FBH1: variants seen among roughly 807,000 people sequenced by gnomAD.
The protein encoded by FBH1 is F-box DNA helicase 1.
A neutral mutation model predicts 115.5 loss-of-function variants in FBH1; 43 were observed. The ratio of observed to expected loss-of-function variants is 0.37; its 90% CI spans 0.29 to 0.48. FBH1 has a LOEUF of 0.48. Among genes scored for constraint, FBH1 ranks in the 20% least tolerant of loss-of-function variants. The pLI is 0.99. For missense variants in FBH1, 1,001 were observed against 1,337.3 expected, an observed-to-expected ratio of 0.75 and a Z score of 3.92; for synonymous variants, 524 against 507.8, an observed-to-expected ratio of 1.03 and a Z score of -0.43.
upstream of FBH1, chr10:5,890,067 C>T: frequency 3.3e-6 from 1 of 302,070 alleles, no homozygotes. Context: ...TGTGGCCGCG[C>T]CCCCACCGAT....
intron 3 of FBH1, among the ~76,000 whole-genome samples, chr10:5,908,069 C>T (rs1285994876): frequency 6.6e-6 from 1 of 152,166 alleles, no homozygotes; most frequent in Non-Finnish European, 1.5e-5. Flanking sequence ...CCTTATTTAT[C>T]TTCTGTCTGG....
chr10:5,925,592 C>A lies in FBH1; in HGVS notation c.2722+100C>A. 1 of 1,520,184 alleles carries A rather than the reference C, an allele frequency of 6.6e-7. No individual in the cohort carries two copies. Among genetic ancestry groups the A allele is most frequent in the Non-Finnish European group, 8.9e-7 (1 of 1,123,852 alleles). The allele number at this position is 1,520,184 out of a possible 1,614,324, so 94.2% of individuals were successfully genotyped here. A position where few individuals can be genotyped will look rare whatever the true frequency, so the allele number is the denominator to read the frequency against. On this transcript the variant is annotated intron_variant, in intron 18 of 20. Coordinates refer to ENST00000362091, the MANE Select transcript of FBH1 (RefSeq NM_178150.3). This position sits in a 1 kb window ranked among gnomAD's most constrained non-coding sequence, Gnocchi z 4.6. Reference sequence around the variant, plus strand: ...CTTGTTGTTTGTTGGATGGTGTGGCCTCCTGGTAGGGCACTTCTGGAAAAA... The same window carrying A: ...CTTGTTGTTTGTTGGATGGTGTGGCATCCTGGTAGGGCACTTCTGGAAAAA...
chr10:5,905,926 C>T (rs2131916248), intron 2 of FBH1, 111 bp from the exon 3 acceptor site: 4 of 733,306 alleles, frequency 5.5e-6, no homozygotes, highest in African/African-American at 1.8e-5. Flanking sequence ...GTTTTTATCT[C>T]TTTCCACTAT....
At chr10:5,901,474 A>G in intron 1 of FBH1, among the ~76,000 whole-genome samples, 1 of 151,912 alleles carries the variant, frequency 6.6e-6, no homozygotes, top group Admixed American at 6.6e-5. Context: ...AGTGTTTTTT[A>G]GGATCTGTGA....
In FBH1 at chr10:5,911,527, G is replaced by A. The variant is rs144053305; in HGVS notation, c.1211+399G>A. On this transcript the variant is annotated intron_variant, in intron 6 of 20. Coordinates refer to ENST00000362091, the MANE Select transcript of FBH1 (RefSeq NM_178150.3). The surrounding 1 kb of genome is among the most constrained non-coding windows in gnomAD (Gnocchi z 5.4). ...GACTCATCCACCTTATCCTCCATGCGGGAGAGGCTATGGCGTGTCGGCTGC... is the reference window on the plus strand; with the variant it reads ...GACTCATCCACCTTATCCTCCATGCAGGAGAGGCTATGGCGTGTCGGCTGC... 4.4e-3 allele frequency among the ~76,000 whole-genome samples: 673 copies of A among 152,288 alleles called. 2 individuals are homozygous for A. Among genetic ancestry groups the A allele is most frequent in the African/African-American group, 0.013 (540 of 41,544 alleles).
chr10:5,895,173 C>G lies in FBH1; in HGVS notation c.1+4827C>G. The G allele has an allele frequency of 6.2e-7, 1 of 1,613,466 alleles. No homozygotes were observed. The highest frequency in any genetic ancestry group is 8.5e-7 in the Non-Finnish European group (1 of 1,179,630). ...ACGAGTGCCCACTTGCTGGTCTTCA[C>G]AGAGCACGCTGAAAGTAAGAGGCAT... On this transcript the variant is annotated intron_variant, in intron 1 of 20. Transcript: ENST00000362091. This position sits in a 1 kb window ranked among gnomAD's most constrained non-coding sequence, Gnocchi z 5.0.
rs1428710800 is a variant in FBH1, at chr10:5,900,916, G to A, written c.2-2104G>A. On this transcript the variant is annotated intron_variant, in intron 1 of 20. Coordinates refer to ENST00000362091, the MANE Select transcript of FBH1 (RefSeq NM_178150.3). The surrounding 1 kb of genome is among the most constrained non-coding windows in gnomAD (Gnocchi z 4.2). The stretch of plus-strand genomic sequence containing the variant: ...GTTCGAGACCAGCCTGGCCAACATA[G>A]TAAAACCCCGTCTCTACTAAAGATA... Among the ~76,000 whole-genome samples the A allele has an allele frequency of 6.6e-6, 1 of 152,050 alleles. No individual in the cohort carries two copies. The highest frequency in any genetic ancestry group is 1.5e-5 in the Non-Finnish European group (1 of 68,030).
chr10:5,926,255 A>G (rs994873283), intron 18 of FBH1, among the ~76,000 whole-genome samples: 1 of 152,172 alleles, frequency 6.6e-6, no homozygotes, highest in African/African-American at 2.4e-5. Flanking sequence ...CTGGGACTAC[A>G]GGCACGTGCC....
In FBH1 at chr10:5,913,814, A is replaced by G; in HGVS notation, c.1279A>G (p.Lys427Glu). Reference sequence around the variant, plus strand: ...TTCCTGCACTCAGGCCACAAAAGTTAAAGAGGAGCCATCTGTCTGGCCAGG... The same window carrying G: ...TTCCTGCACTCAGGCCACAAAAGTTGAAGAGGAGCCATCTGTCTGGCCAGG... ...ENSCTQATKVKEEPSVWPGKK... is the reference protein window; with the variant it reads ...ENSCTQATKVEEEPSVWPGKK... Residue 427 changes from lysine (K) to glutamate (E), a missense_variant, in exon 7 of 21, where the codon AAA (lysine) becomes GAA (glutamate). By Grantham distance (56) the Lys-to-Glu change is moderately conservative (BLOSUM62 1). Transcript: ENST00000362091. The surrounding 1 kb of genome is among the most constrained non-coding windows in gnomAD (Gnocchi z 4.4). 2 of 1,598,590 alleles carry G rather than the reference A, an allele frequency of 1.3e-6. No individual in the cohort carries two copies. Among genetic ancestry groups the G allele is most frequent in the Non-Finnish European group, 1.7e-6 (2 of 1,176,338 alleles).
rs1843721766 is a variant in FBH1, at chr10:5,906,807, C to A, written c.753+175C>A. ...TGTCTGCCCCACCCTATGACTCTAG[C>A]CTCTTTGTTCACTTCCACTCAACAC... On this transcript the variant is annotated intron_variant, in intron 3 of 20. Transcript: ENST00000362091. This position sits in a 1 kb window ranked among gnomAD's most constrained non-coding sequence, Gnocchi z 7.3. 6.6e-6 allele frequency among the ~76,000 whole-genome samples: 1 copy of A among 152,142 alleles called. No homozygotes were observed. The highest frequency in any genetic ancestry group is 6.5e-5 in the Admixed American group (1 of 15,284).
chr10:5,900,758 TC>T lies in FBH1; in HGVS notation c.2-2261del, dbSNP rs1182242867. On this transcript the variant is annotated intron_variant, in intron 1 of 20. Transcript: ENST00000362091. The surrounding 1 kb of genome is among the most constrained non-coding windows in gnomAD (Gnocchi z 4.2). ...TAATGAAAAAATATTGTAAACTATA[TC>T]AGCTAAATCACTGGGGTCTTGGCTT... Among the ~76,000 whole-genome samples the T allele has an allele frequency of 6.6e-6, 1 of 152,196 alleles. No individual in the cohort carries two copies. The highest frequency in any genetic ancestry group is 1.5e-5 in the Non-Finnish European group (1 of 68,034).
At chr10:5,893,103 C>G (rs1842827583) in intron 1 of FBH1, among the ~76,000 whole-genome samples, 1 of 152,202 alleles carries the variant, frequency 6.6e-6, no homozygotes, top group Non-Finnish European at 1.5e-5. Context: ...CTCAGGAGTT[C>G]TAGACCAGCC....
intron 1 of FBH1, chr10:5,891,054 A>T: frequency 1.7e-6 from 1 of 596,650 alleles, no homozygotes. Context: ...AGGCATCAGT[A>T]GGGTTTTACA....
In FBH1 at chr10:5,923,990, C is replaced by G. The variant is rs1229745238; in HGVS notation, c.2398+294C>G. Reference sequence around the variant, plus strand: ...GGGCCAATTTATACGTTGATACTTCCACGTGGGCCCCAAGTGATAGCGTCG... The same window carrying G: ...GGGCCAATTTATACGTTGATACTTCGACGTGGGCCCCAAGTGATAGCGTCG... On this transcript the variant is annotated intron_variant, in intron 16 of 20. Coordinates refer to ENST00000362091, the MANE Select transcript of FBH1 (RefSeq NM_178150.3). This position sits in a 1 kb window ranked among gnomAD's most constrained non-coding sequence, Gnocchi z 5.7. 7 of 558,016 alleles carry G rather than the reference C, an allele frequency of 1.3e-5. No homozygotes were observed. The highest frequency in any genetic ancestry group is 6.8e-5 in the South Asian group (3 of 44,068). 34.6% of individuals were successfully genotyped at this position (558,016 alleles called of 1,614,324 possible). A position where few individuals can be genotyped will look rare whatever the true frequency, so the allele number is the denominator to read the frequency against.
Position 5,925,446 on chromosome 10 carries a change from G to T in FBH1, c.2676G>T (p.Val892=). The change falls in exon 18 of 21, where the codon GTG becomes GTT. Residue 892 remains valine, a synonymous_variant. Coordinates refer to ENST00000362091, the MANE Select transcript of FBH1 (RefSeq NM_178150.3). The surrounding 1 kb of genome is among the most constrained non-coding windows in gnomAD (Gnocchi z 4.6). The part of the protein sequence containing the change: ...TVHVLDDFVK[V]PCARHNLPQL... ...ATGTTTTGGATGATTTTGTGAAAGTGCCTTGTGCCCGGCATAACCTGCCCC... is the reference window on the plus strand; with the variant it reads ...ATGTTTTGGATGATTTTGTGAAAGTTCCTTGTGCCCGGCATAACCTGCCCC... 1.2e-6 allele frequency: 2 copies of T among 1,614,210 alleles called. No individual in the cohort carries two copies. Among genetic ancestry groups the T allele is most frequent in the Non-Finnish European group, 8.5e-7 (1 of 1,180,052 alleles).
At position 5,932,020 on chromosome 10, in the gene FBH1, A is replaced by T. The variant is rs1445768543; in HGVS notation, c.2830-4436A>T. On this transcript the variant is annotated intron_variant, in intron 19 of 20. Transcript: ENST00000362091. This position sits in a 1 kb window ranked among gnomAD's most constrained non-coding sequence, Gnocchi z 5.9. ...AAATTAGCTAGTCATGGTGGTGCATACCTGTAGCCCCAGCTACTTAGGAGG... is the reference window on the plus strand; with the variant it reads ...AAATTAGCTAGTCATGGTGGTGCATTCCTGTAGCCCCAGCTACTTAGGAGG... Among the ~76,000 whole-genome samples, 1 of 152,194 alleles carries T rather than the reference A, an allele frequency of 6.6e-6. No individual in the cohort carries two copies. The highest frequency in any genetic ancestry group is 2.4e-5 in the African/African-American group (1 of 41,432).
In FBH1 at chr10:5,925,345, G is replaced by C; in HGVS notation, c.2597-22G>C. 2 of 1,613,104 alleles carry C rather than the reference G, an allele frequency of 1.2e-6. No homozygotes were observed. The highest frequency in any genetic ancestry group is 4.5e-5 in the East Asian group (2 of 44,816). On this transcript the variant is annotated intron_variant, in intron 17 of 20. Transcript: ENST00000362091. This position sits in a 1 kb window ranked among gnomAD's most constrained non-coding sequence, Gnocchi z 4.6. ...CTTTCCCTTTGAAGCACCATCTAAC[G>C]TGTGCTGTGTTTTTATCCTAGAGTA...
rs1381542752 is a variant in FBH1 at position 5,909,681 on chromosome 10, A to G, written c.1020+387A>G. On this transcript the variant is annotated intron_variant, in intron 5 of 20. Transcript: ENST00000362091. The surrounding 1 kb of genome is among the most constrained non-coding windows in gnomAD (Gnocchi z 4.4). ...GGACAGAAAAATTAGGGGTCTTGCT[A>G]TAGTCACACAATGAGGTAATGAGAA... Among the ~76,000 whole-genome samples the G allele has an allele frequency of 2.0e-5, 3 of 152,192 alleles. No individual in the cohort carries two copies. The highest frequency in any genetic ancestry group is 6.5e-5 in the Admixed American group (1 of 15,282).
At position 5,918,232 on chromosome 10, in the gene FBH1, G is replaced by A. The variant is rs1362302852; in HGVS notation, c.1964-110G>A. 7.5e-7 allele frequency: 1 copy of A among 1,338,586 alleles called. No homozygotes were observed. Among genetic ancestry groups the A allele is most frequent in the Non-Finnish European group, 1.0e-6 (1 of 974,410 alleles). The allele number at this position is 1,338,586 out of a possible 1,614,324, so 82.9% of individuals were successfully genotyped here. A position where few individuals can be genotyped will look rare whatever the true frequency, so the allele number is the denominator to read the frequency against. ...CTGTCCTACAGGAAAAGGCGACCGT[G>A]AGGTCCAGTGTGCCCTGGCTTAGCT... On this transcript the variant is annotated intron_variant, in intron 12 of 20. Transcript: ENST00000362091. This position sits in a 1 kb window ranked among gnomAD's most constrained non-coding sequence, Gnocchi z 4.0.
Sources: allele counts gnomAD v4.1 joint callset (sites outside exome capture counted in the v4.1 genomes callset), GRCh38; gene constraint gnomAD v4.1.1; non-coding constraint Gnocchi (gnomAD v3.1); transcripts MANE v1.5; gene names NCBI Gene and HGNC (gene_info 2026-07-23, HGNC 2026-07-21).